SCAI: variants seen among roughly 807,000 people sequenced by gnomAD.
SCAI encodes the protein protein SCAI.
In SCAI, 24 loss-of-function variants were observed where a neutral mutation model predicts 92.2. That is an observed-to-expected ratio of 0.26 (90% CI 0.19 to 0.37). The LOEUF (loss-of-function observed/expected upper bound fraction) is 0.37, where lower values mean the gene tolerates loss of function less well. Among genes scored for constraint, SCAI ranks in the 10% least tolerant of loss-of-function variants. The pLI is 1.00. For synonymous variants in SCAI, 261 were observed against 258.6 expected (o/e 1.01, Z -0.09); for missense variants, 450 against 736.2 (o/e 0.61, Z 4.50).
intron 2 of SCAI, among the ~76,000 whole-genome samples, chr9:125,071,099 TTG>T (rs1833971280): frequency 2.0e-5 from 3 of 152,160 alleles, no homozygotes; most frequent in Admixed American, 6.6e-5. Flanking sequence ...TCCACCATGA[TTG>T]TGAGGCCTCC....
At chr9:125,093,411 A>G (rs923427600) in intron 2 of SCAI, among the ~76,000 whole-genome samples, 5 of 152,080 alleles carry the variant, frequency 3.3e-5, no homozygotes, top group Non-Finnish European at 7.4e-5. Flanking sequence ...GCTCCTTCTC[A>G]AAGTTTCCAC....
At chr9:124,978,318 G>A (rs1481694973) in intron 14 of SCAI, among the ~76,000 whole-genome samples, 1 of 152,204 alleles carries the variant, frequency 6.6e-6, no homozygotes, top group African/African-American at 2.4e-5. Context: ...GCGCATGCCT[G>A]TAATTCCAGC....
chr9:125,019,680 A>T (rs1832830228), intron 7 of SCAI, among the ~76,000 whole-genome samples: 1 of 152,194 alleles, frequency 6.6e-6, no homozygotes, highest in African/African-American at 2.4e-5. Context: ...CTTTATTTGG[A>T]TTTGTATTAT....
intron 2 of SCAI, among the ~76,000 whole-genome samples, chr9:125,063,360 GAGTGAGAATCAATCTCAA>G (rs1833813188): frequency 1.4e-5 from 2 of 146,428 alleles, no homozygotes; most frequent in African/African-American, 5.1e-5. Flanking sequence ...CTAGGTGACA[GAGTGAGAATCAATCTCAA>G]AGGAGGAAAA....
At chr9:124,987,409 A>T (rs903276545) in intron 14 of SCAI, among the ~76,000 whole-genome samples, 3 of 152,152 alleles carry the variant, frequency 2.0e-5, no homozygotes, top group Non-Finnish European at 4.4e-5. Context: ...GTTTGCCCCT[A>T]CTGGCAATCT....
At chr9:125,009,012 T>G (rs1832573080) in intron 9 of SCAI, among the ~76,000 whole-genome samples, 1 of 151,980 alleles carries the variant, frequency 6.6e-6, no homozygotes, top group South Asian at 2.1e-4. Flanking sequence ...TAACAGACAA[T>G]TTCTCAACAG....
At chr9:125,025,191 G>A (rs1220342319) in intron 6 of SCAI, among the ~76,000 whole-genome samples, 1 of 152,160 alleles carries the variant, frequency 6.6e-6, no homozygotes, top group Non-Finnish European at 1.5e-5. Context: ...ACTACACACA[G>A]CAAGGTCAAG....
At chr9:125,140,400 C>T (rs1268320778) in intron 2 of SCAI, among the ~76,000 whole-genome samples, 3 of 151,820 alleles carry the variant, frequency 2.0e-5, no homozygotes, top group African/African-American at 4.8e-5. Flanking sequence ...TGGTGGCAGG[C>T]GCCTGTAATC....
At chr9:124,971,593 C>T (rs564229057) in intron 16 of SCAI, 78 bp downstream of exon 16, 90 of 1,437,086 alleles carry the variant, frequency 6.3e-5, no homozygotes, top group Non-Finnish European at 8.3e-5. Flanking sequence ...TTTAAAAATT[C>T]AAACAATTTA....
chr9:125,122,588 C>CAAA (rs34757267), intron 2 of SCAI, among the ~76,000 whole-genome samples: 17 of 59,940 alleles, frequency 2.8e-4, no homozygotes, highest in Non-Finnish European at 4.7e-4. Flanking sequence ...GACTCCATCT[C>CAAA]AAAAAAAAAA....
chr9:125,022,414 G>A (rs747623596), intron 6 of SCAI, among the ~76,000 whole-genome samples: 14 of 151,954 alleles, frequency 9.2e-5, no homozygotes, highest in Non-Finnish European at 2.1e-4. Context: ...CATCTTTGAA[G>A]GGTTTATTTA....
chr9:125,046,341 A>ATATGTGTG (rs1554784650), intron 3 of SCAI, among the ~76,000 whole-genome samples: 1 of 80,406 alleles, frequency 1.2e-5, no homozygotes, highest in Non-Finnish European at 2.4e-5. Flanking sequence ...ACATATATAT[A>ATATGTGTG]TGTGTGTGTG....
chr9:125,004,771 ATATATATATTTTTTTTTTTTTTT>A (rs1362007184), intron 9 of SCAI, among the ~76,000 whole-genome samples: 68 of 8,784 alleles, frequency 7.7e-3, no homozygotes, highest in African/African-American at 0.024. Context: ...ATATATATAT[ATATATATATTTTTTTTTTTTTTT>A]TTTTTTTTTT....
intron 2 of SCAI, among the ~76,000 whole-genome samples, chr9:125,068,138 A>G (rs1833908528): frequency 6.6e-6 from 1 of 152,222 alleles, no homozygotes; most frequent in South Asian, 2.1e-4. Context: ...GCTAACACTT[A>G]GTTATGTGAT....
chr9:125,099,493 G>A (rs779379631), intron 2 of SCAI, among the ~76,000 whole-genome samples: 3 of 151,912 alleles, frequency 2.0e-5, no homozygotes, highest in African/African-American at 2.4e-5. Flanking sequence ...TGTTGGCCAC[G>A]CTAGTCTCGA....
intron 9 of SCAI, among the ~76,000 whole-genome samples, chr9:125,009,435 A>G (rs1832585045): frequency 6.6e-6 from 1 of 151,972 alleles, no homozygotes; most frequent in South Asian, 2.1e-4. Flanking sequence ...ATGCCTGACT[A>G]ATTTTTGTAT....
At chr9:124,963,644 G>T (rs1429039564) in intron 17 of SCAI, among the ~76,000 whole-genome samples, 1 of 150,944 alleles carries the variant, frequency 6.6e-6, no homozygotes, top group South Asian at 2.1e-4. Context: ...CAGCTACTCA[G>T]GATGCTGAGG....
intron 2 of SCAI, among the ~76,000 whole-genome samples, chr9:125,088,418 T>C (rs988175530): frequency 6.6e-6 from 1 of 152,146 alleles, no homozygotes; most frequent in African/African-American, 2.4e-5. Context: ...TTTAGAAGTG[T>C]GTAGCACCTC....
chr9:125,113,975 A>AT (rs935815376), intron 2 of SCAI, among the ~76,000 whole-genome samples: 1 of 152,114 alleles, frequency 6.6e-6, no homozygotes, highest in Non-Finnish European at 1.5e-5. Context: ...GAAAAAAGAA[A>AT]TTTTTTTAAT....
Sources: allele counts gnomAD v4.1 joint callset (sites outside exome capture counted in the v4.1 genomes callset), GRCh38; gene constraint gnomAD v4.1.1; transcripts MANE v1.5; gene names NCBI Gene and HGNC (gene_info 2026-07-23, HGNC 2026-07-21).